SCMH1: variants seen among roughly 807,000 people sequenced by gnomAD.
The protein encoded by SCMH1 is polycomb protein SCMH1.
Under a neutral mutation model 70.8 loss-of-function variants are expected in SCMH1, and 37 were observed. The ratio of observed to expected loss-of-function variants is 0.52; its 90% confidence interval spans 0.40 to 0.69. The LOEUF (loss-of-function observed/expected upper bound fraction) is 0.69, where lower values mean the gene tolerates loss of function less well. Among genes scored for constraint, SCMH1 ranks in the 30% least tolerant of loss-of-function variants. The probability of loss-of-function intolerance (pLI) is 0.00; values close to 1 mark genes in which losing one functional copy is unlikely to be tolerated. For synonymous variants in SCMH1, 292 were observed against 307.4 expected (o/e 0.95, Z 0.52); for missense variants, 607 against 827.3 (o/e 0.73, Z 3.27).
At chr1:41,148,639 T>C (rs1644799151) in intron 5 of SCMH1, among the ~76,000 whole-genome samples, 1 of 152,156 alleles carries the variant, frequency 6.6e-6, no homozygotes. Flanking sequence ...TTATCCTATA[T>C]ATAAAGTGTC....
chr1:41,239,284 T>C (rs974293532), intron 1 of SCMH1, among the ~76,000 whole-genome samples: 7 of 152,328 alleles, frequency 4.6e-5, no homozygotes, highest in South Asian at 2.1e-4. Context: ...TTTTCTCACA[T>C]TGATGCCTTT....
At chr1:41,121,471 T>C (rs762227920) in intron 6 of SCMH1, among the ~76,000 whole-genome samples, 3 of 152,152 alleles carry the variant, frequency 2.0e-5, no homozygotes, top group Non-Finnish European at 2.9e-5. Flanking sequence ...AGAAGGAAGA[T>C]GAAAACAGTA....
At chr1:41,183,244 T>C (rs904122528) in intron 2 of SCMH1, among the ~76,000 whole-genome samples, 5 of 152,178 alleles carry the variant, frequency 3.3e-5, no homozygotes, top group Admixed American at 1.3e-4. Context: ...CGTTGACCAA[T>C]AAAAACAGTT....
At chr1:41,206,991 C>G (rs998904375) in intron 1 of SCMH1, among the ~76,000 whole-genome samples, 4 of 152,114 alleles carry the variant, frequency 2.6e-5, no homozygotes, top group African/African-American at 7.2e-5. Flanking sequence ...AGCAAATGCT[C>G]AGAGATTTTG....
chr1:41,070,691 G>A (rs775469423), exon 10 of SCMH1: 1 of 1,613,990 alleles, frequency 6.2e-7, no homozygotes, highest in East Asian at 2.2e-5. Context: ...GGTGAGGCAG[G>A]TGGTGGGTTC....
At chr1:41,164,421 C>T (rs957731459) in intron 2 of SCMH1, among the ~76,000 whole-genome samples, 2 of 141,424 alleles carry the variant, frequency 1.4e-5, no homozygotes, top group African/African-American at 5.4e-5. Flanking sequence ...ATACTCTCCC[C>T]AACTTCACTC....
At chr1:41,039,343 A>C (rs1003848930) in intron 12 of SCMH1, among the ~76,000 whole-genome samples, 3 of 152,198 alleles carry the variant, frequency 2.0e-5, no homozygotes, top group Non-Finnish European at 2.9e-5. Context: ...GACTGATGGC[A>C]AGTCATGAAA....
intron 8 of SCMH1, among the ~76,000 whole-genome samples, chr1:41,089,192 C>G (rs1038341282): frequency 2.6e-5 from 4 of 152,202 alleles, no homozygotes; most frequent in Admixed American, 6.5e-5. Context: ...GTTTATATTA[C>G]CAGCTTAGAA....
chr1:41,042,899 C>G (rs990977100), intron 12 of SCMH1, among the ~76,000 whole-genome samples: 2 of 151,286 alleles, frequency 1.3e-5, no homozygotes, highest in Admixed American at 6.6e-5. Flanking sequence ...GCCAATGTCA[C>G]GTCGTGAAAG....
At chr1:41,119,454 A>C (rs10157482) in intron 6 of SCMH1, among the ~76,000 whole-genome samples, 26 of 150,762 alleles carry the variant, frequency 1.7e-4, no homozygotes, top group East Asian at 1.2e-3. Context: ...AAAAACAAAA[A>C]AAAAAAAACC....
Position 41,146,218 on chromosome 1 carries a change from T to TA in SCMH1, c.178-3107dup, listed in dbSNP as rs776753680. On this transcript the variant is annotated intron_variant, in intron 5 of 14. Coordinates refer to ENST00000337495, the Ensembl canonical transcript of SCMH1. ...TTTTTAACAAAAAGAGTTTAAAAGG[T>TA]AAAAAAAAAAAAAATTAAAAATTAT... 3.2e-3 allele frequency among the ~76,000 whole-genome samples: 437 copies of TA among 136,024 alleles called. 1 individual carries two copies. The highest frequency in any genetic ancestry group is 6.7e-3 in the African/African-American group (247 of 37,050). The allele number at this position is 136,024 out of a possible 152,430, so 89.2% of individuals were successfully genotyped here.
intron 9 of SCMH1, among the ~76,000 whole-genome samples, chr1:41,074,910 T>G (rs1234572804): frequency 6.6e-6 from 1 of 152,246 alleles, no homozygotes. Context: ...TCACCCAGGC[T>G]GCAGTGCAGT....
intron 5 of SCMH1, among the ~76,000 whole-genome samples, chr1:41,143,838 T>C (rs769720228): frequency 1.3e-5 from 2 of 152,212 alleles, no homozygotes; most frequent in Non-Finnish European, 2.9e-5. Flanking sequence ...GATGGAATCA[T>C]AGAAGATGTA....
chr1:41,099,889 T>C (rs1467055401), intron 8 of SCMH1, among the ~76,000 whole-genome samples: 1 of 152,210 alleles, frequency 6.6e-6, no homozygotes, highest in African/African-American at 2.4e-5. Flanking sequence ...CTTCTTAAGA[T>C]GATGCTCAGT....
At chr1:41,142,777 G>T in intron 6 of SCMH1, 101 bp downstream of exon 6, 1 of 964,424 alleles carries the variant, frequency 1.0e-6, no homozygotes, top group South Asian at 1.6e-5. Context: ...GAAAAATAAG[G>T]GATAAGCTGG....
intron 2 of SCMH1, among the ~76,000 whole-genome samples, chr1:41,168,214 T>C (rs1394237486): frequency 6.6e-6 from 1 of 152,148 alleles, no homozygotes; most frequent in Non-Finnish European, 1.5e-5. Context: ...TTTTCTGACA[T>C]AATTTCTTTG....
At chr1:41,029,888 A>G (rs752909704) in intron 13 of SCMH1, among the ~76,000 whole-genome samples, 6 of 152,166 alleles carry the variant, frequency 3.9e-5, no homozygotes, top group East Asian at 1.9e-4. Context: ...AGTAATCTCT[A>G]TTCTCCATGA....
At chr1:41,092,254 G>C (rs887991302) in intron 8 of SCMH1, among the ~76,000 whole-genome samples, 1 of 152,058 alleles carries the variant, frequency 6.6e-6, no homozygotes, top group Non-Finnish European at 1.5e-5. Context: ...ACAAACCTGA[G>C]AAAAACAAGA....
chr1:41,137,886 T>C (rs1643614052), intron 6 of SCMH1, among the ~76,000 whole-genome samples: 2 of 152,242 alleles, frequency 1.3e-5, no homozygotes, highest in Non-Finnish European at 1.5e-5. Context: ...AACTGATCCC[T>C]CATTACTCCA....
Sources: allele counts gnomAD v4.1 joint callset (sites outside exome capture counted in the v4.1 genomes callset), GRCh38; gene constraint gnomAD v4.1.1; transcripts MANE v1.5; gene names NCBI Gene and HGNC (gene_info 2026-07-23, HGNC 2026-07-21).